ATP13A4: variants seen among roughly 807,000 people sequenced by gnomAD.
The protein encoded by ATP13A4 is probable cation-transporting ATPase 13A4.
Under a neutral mutation model 142.5 loss-of-function variants are expected in ATP13A4, and 114 were observed. The ratio of observed to expected loss-of-function variants is 0.80; its 90% CI spans 0.69 to 0.93. The LOEUF is 0.93. ATP13A4 is among the 40% of genes least tolerant of loss of function. ATP13A4 has a pLI of 0.00. For synonymous variants in ATP13A4, 488 were observed against 514.8 expected, an observed-to-expected ratio of 0.95 and a Z score of 0.70; for missense variants, 1,392 against 1,454.0, an observed-to-expected ratio of 0.96 and a Z score of 0.69.
intron 1 of ATP13A4, among the ~76,000 whole-genome samples, chr3:193,516,926 GTAA>G (rs1412813786): frequency 6.6e-6 from 1 of 152,108 alleles, no homozygotes; most frequent in African/African-American, 2.4e-5. Flanking sequence ...ACCTTTAATA[GTAA>G]TAATAGTGAT....
chr3:193,446,824 A>AC (rs1716983414), intron 18 of ATP13A4, among the ~76,000 whole-genome samples: 1 of 152,232 alleles, frequency 6.6e-6, no homozygotes, highest in South Asian at 2.1e-4. Flanking sequence ...AGAGTAAGTT[A>AC]CTTACAGTGG....
rs1393703943 is a variant in ATP13A4, at chr3:193,465,038, T to C, written c.1363A>G (p.Ile455Val). Residue 455 changes from isoleucine to valine, a missense_variant, in exon 12 of 30, where the codon ATC (isoleucine) becomes GTC (valine). Physicochemically the swap from Ile to Val is conservative, Grantham distance 29 (BLOSUM62 3). Transcript: ENST00000342695. ...ALPAALTTGI[I>V]YAQRRLKKRG... is the part of the protein sequence containing the mutation. ...TTCTTCAGCCTCCTCTGGGCATAGA[T>C]AATGCCTGTGGTCAGAGCAGCAGGT... 3 of 1,614,018 alleles carry C rather than the reference T, an allele frequency of 1.9e-6. No homozygotes were observed. The highest frequency in any genetic ancestry group is 2.5e-6 in the Non-Finnish European group (3 of 1,180,010).
At chr3:193,430,347 C>T (rs1228955414) in intron 25 of ATP13A4, among the ~76,000 whole-genome samples, 4 of 152,042 alleles carry the variant, frequency 2.6e-5, no homozygotes, top group Non-Finnish European at 5.9e-5. Flanking sequence ...TAACAAGCTC[C>T]TTTAATATGT....
At position 193,433,775 on chromosome 3, in the gene ATP13A4, A is replaced by T. The variant is rs1044924552; in HGVS notation, c.2842+70T>A. ...CAGCTGCTGTTCCTCATGGTAGACAAATCTTTCCAAGGCAGAGGGAGGGCA... is the reference window on the plus strand; with the variant it reads ...CAGCTGCTGTTCCTCATGGTAGACATATCTTTCCAAGGCAGAGGGAGGGCA... On this transcript the variant is annotated intron_variant, in intron 25 of 29. Transcript: ENST00000342695. The T allele has an allele frequency of 8.7e-6, 10 of 1,151,804 alleles. No individual in the cohort carries two copies. In the African/African-American group the frequency reaches 1.5e-4, roughly 17 times the overall value. The allele number at this position is 1,151,804 out of a possible 1,614,324, so 71.3% of individuals were successfully genotyped here.
At chr3:193,475,822 T>C (rs1577002825) in intron 8 of ATP13A4, among the ~76,000 whole-genome samples, 2 of 152,066 alleles carry the variant, frequency 1.3e-5, no homozygotes, top group East Asian at 3.8e-4. Context: ...TCTAATGGGA[T>C]GTTACAAACA....
Position 193,471,087 on chromosome 3 carries a change from C to G in ATP13A4, c.809-94G>C, listed in dbSNP as rs535606076. ...AACTTGGATATCAATGAAAAAGCAACCAAGACATTTTTTTTTTAGAAAGGA... is the reference window on the plus strand; with the variant it reads ...AACTTGGATATCAATGAAAAAGCAAGCAAGACATTTTTTTTTTAGAAAGGA... On this transcript the variant is annotated intron_variant, in intron 8 of 29. Transcript: ENST00000342695. 9.1e-6 allele frequency: 14 copies of G among 1,546,122 alleles called. No homozygotes were observed. In the African/African-American group the frequency reaches 1.6e-4, roughly 18 times the overall value.
chr3:193,417,700 A>ATGTAAAGAAAAGAGAAC (rs1361802616), intron 25 of ATP13A4, among the ~76,000 whole-genome samples: 62 of 139,224 alleles, frequency 4.5e-4, no homozygotes, highest in East Asian at 1.9e-3. Context: ...ACAAAAAAGA[A>ATGTAAAGAAAAGAGAAC]ATTGGCCAGG....
intron 1 of ATP13A4, among the ~76,000 whole-genome samples, chr3:193,592,671 CCTAA>C (rs1431500974): frequency 2.6e-5 from 4 of 152,292 alleles, no homozygotes; most frequent in Admixed American, 6.5e-5. Context: ...CCGTTACTGG[CCTAA>C]CTGATTTAAG....
intron 2 of ATP13A4, among the ~76,000 whole-genome samples, chr3:193,571,015 T>C (rs3863983): frequency 0.41 from 62,612 of 151,930 alleles, 14,288 homozygotes; most frequent in African/African-American, 0.62. Context: ...TGGTAGCTCA[T>C]GCCTGTAATC....
chr3:193,557,990 T>A (rs191825637), upstream of ATP13A4, among the ~76,000 whole-genome samples: 33 of 152,332 alleles, frequency 2.2e-4, no homozygotes, highest in African/African-American at 6.0e-4. Context: ...GAGTGACATG[T>A]GGCAGGGAAA....
intron 8 of ATP13A4, among the ~76,000 whole-genome samples, chr3:193,482,440 T>C (rs1375769908): frequency 6.6e-6 from 1 of 152,136 alleles, no homozygotes; most frequent in African/African-American, 2.4e-5. Flanking sequence ...AATAAAAATG[T>C]CTGCTCTTTG....
intron 25 of ATP13A4, among the ~76,000 whole-genome samples, chr3:193,415,407 C>T (rs1715004311): frequency 1.3e-5 from 2 of 152,160 alleles, no homozygotes; most frequent in African/African-American, 4.8e-5. Context: ...GAAAAGTATA[C>T]TGCAACCAAG....
chr3:193,435,047 T>C lies in ATP13A4; in HGVS notation c.2769+601A>G, dbSNP rs142246156. Among the ~76,000 whole-genome samples, 1,018 of 152,350 alleles carry C rather than the reference T, an allele frequency of 6.7e-3. 16 individuals carry two copies. The highest frequency in any genetic ancestry group is 0.023 in the African/African-American group (975 of 41,582). ...AGTTAATAAATACTCAAAGCTCAGC[T>C]ATTTCTAAATATTTTTCTACATTTT... On this transcript the variant is annotated intron_variant, in intron 24 of 29. Coordinates refer to ENST00000342695, the MANE Select transcript of ATP13A4 (RefSeq NM_032279.4).
chr3:193,564,137 G>C (rs374135580), intron 2 of ATP13A4, among the ~76,000 whole-genome samples: 1 of 152,330 alleles, frequency 6.6e-6, no homozygotes, highest in Non-Finnish European at 1.5e-5. Flanking sequence ...TTCAGAAAAG[G>C]CCTGGCTAAC....
At position 193,514,787 on chromosome 3, in the gene ATP13A4, C is replaced by G. The variant is rs952287521; in HGVS notation, c.145G>C (p.Val49Leu). 1 of 1,614,154 alleles carries G rather than the reference C, an allele frequency of 6.2e-7. No homozygotes were observed. The highest frequency in any genetic ancestry group is 1.3e-5 in the African/African-American group (1 of 75,018). ...SIFSFGILPL[V>L]FYWRPAWHVW... ...TGCCATGCTGGTCTCCAGTAAAACA[C>G]CAAGGGGAGGATTCCAAATGAGAAG... Residue 49 changes from valine to leucine, a missense_variant, in exon 2 of 30, where the codon GTG becomes CTG. Val to Leu is a conservative substitution (Grantham distance 32). Transcript: ENST00000342695.
intron 1 of ATP13A4, among the ~76,000 whole-genome samples, chr3:193,549,553 G>A (rs979584124): frequency 6.6e-6 from 1 of 152,226 alleles, no homozygotes; most frequent in East Asian, 1.9e-4. Context: ...ATATTGGCCA[G>A]GTGTGGATGC....
chr3:193,412,504 AAAAC>A (rs1211478620), intron 26 of ATP13A4, 133 bp from the exon 27 acceptor site: 1 of 567,728 alleles, frequency 1.8e-6, no homozygotes, highest in Non-Finnish European at 3.2e-6. Context: ...TGTGCTTTGG[AAAAC>A]ACACACACAC....
intron 17 of ATP13A4, among the ~76,000 whole-genome samples, chr3:193,449,676 A>G (rs1245693362): frequency 6.6e-6 from 1 of 152,160 alleles, no homozygotes; most frequent in African/African-American, 2.4e-5. Context: ...TGTCTACTTA[A>G]CCATCTCTAG....
chr3:193,534,020 A>G (rs1722465501), intron 1 of ATP13A4, among the ~76,000 whole-genome samples: 1 of 152,182 alleles, frequency 6.6e-6, no homozygotes, highest in Non-Finnish European at 1.5e-5. Context: ...TCATATAATC[A>G]GTGGAAACCA....
Sources: gnomAD v4.1 joint callset for allele counts (sites outside exome capture counted in the v4.1 genomes callset) on GRCh38, gnomAD v4.1.1 for gene constraint, MANE v1.5 for transcripts, NCBI Gene and HGNC (gene_info 2026-07-23, HGNC 2026-07-21) for gene names.